RANBP17: variants seen among roughly 807,000 people sequenced by gnomAD.
The protein encoded by RANBP17 is RAN binding protein 17, also known as ran-binding protein 17.
In RANBP17, 158 loss-of-function variants were observed where a neutral mutation model predicts 141.2. That is an observed-to-expected ratio of 1.12 (90% CI 0.98 to 1.28). The LOEUF is 1.28. RANBP17 is among the 50% of genes most tolerant of loss of function. The pLI is 0.00. For synonymous variants in RANBP17, 430 were observed against 450.0 expected, an observed-to-expected ratio of 0.96 and a Z score of 0.56; for missense variants, 1,438 against 1,290.7, an observed-to-expected ratio of 1.11 and a Z score of -1.75.
At chr5:171,227,714 A>G (rs538092335) in intron 22 of RANBP17, among the ~76,000 whole-genome samples, 1 of 152,316 alleles carries the variant, frequency 6.6e-6, no homozygotes, top group East Asian at 1.9e-4. Context: ...CTTGGCTTCA[A>G]AGGACAGACT....
intron 13 of RANBP17, among the ~76,000 whole-genome samples, chr5:170,956,077 A>C (rs1775668598): frequency 6.6e-6 from 1 of 151,330 alleles, no homozygotes; most frequent in African/African-American, 2.4e-5. Context: ...ATTTATTTTT[A>C]ATATATCTTG....
intron 4 of RANBP17, among the ~76,000 whole-genome samples, chr5:170,895,027 G>A (rs1158321207): frequency 6.6e-6 from 1 of 152,138 alleles, no homozygotes; most frequent in Non-Finnish European, 1.5e-5. Flanking sequence ...AATTGGTCAG[G>A]GTACCACACT....
intron 14 of RANBP17, among the ~76,000 whole-genome samples, chr5:170,970,857 A>G (rs969491310): frequency 6.6e-6 from 1 of 152,120 alleles, no homozygotes; most frequent in Non-Finnish European, 1.5e-5. Context: ...AATATTTATT[A>G]CACTGCTTTG....
At chr5:171,036,429 A>G (rs1339159148) in intron 14 of RANBP17, among the ~76,000 whole-genome samples, 3 of 151,756 alleles carry the variant, frequency 2.0e-5, no homozygotes, top group Non-Finnish European at 4.4e-5. Flanking sequence ...TTGTTCTTAC[A>G]ATTTTCTATC....
chr5:171,088,834 C>G (rs1785930361), intron 14 of RANBP17, among the ~76,000 whole-genome samples: 1 of 152,130 alleles, frequency 6.6e-6, no homozygotes, highest in Non-Finnish European at 1.5e-5. Context: ...AAGTACTTCT[C>G]TTTATTGGTT....
chr5:171,020,787 T>C (rs1004462218), intron 14 of RANBP17, among the ~76,000 whole-genome samples: 2 of 152,172 alleles, frequency 1.3e-5, no homozygotes, highest in African/African-American at 4.8e-5. Context: ...AGGTTAATAT[T>C]GTTATGTGTG....
At chr5:170,912,934 G>A (rs576048207) in intron 7 of RANBP17, among the ~76,000 whole-genome samples, 3 of 151,840 alleles carry the variant, frequency 2.0e-5, no homozygotes, top group East Asian at 3.9e-4. Flanking sequence ...GAATAGTAAG[G>A]ATAAAGAAAA....
At chr5:171,061,882 C>T (rs1208964368) in intron 14 of RANBP17, among the ~76,000 whole-genome samples, 1 of 152,108 alleles carries the variant, frequency 6.6e-6, no homozygotes, top group African/African-American at 2.4e-5. Flanking sequence ...GATAGCTCTT[C>T]TTTTTGAATT....
rs541948780 is a variant in RANBP17 at position 171,012,016 on chromosome 5, T to TGTTTAAACAAATAATATATTC, written c.1710+43659_1710+43660insCGTTTAAACAAATAATATATT. 4.1e-3 allele frequency among the ~76,000 whole-genome samples: 615 copies of TGTTTAAACAAATAATATATTC among 151,794 alleles called. 5 individuals are homozygous for TGTTTAAACAAATAATATATTC. The highest frequency in any genetic ancestry group is 0.014 in the African/African-American group (593 of 41,520). On this transcript the variant is annotated intron_variant, in intron 14 of 27. Transcript: ENST00000523189. ...CTGGTTATTGCCTCAGTAATATATTTGTTTAAACAAATAATATATTTGTTT... is the reference window on the plus strand; with the variant it reads ...CTGGTTATTGCCTCAGTAATATATTTGTTTAAACAAATAATATATTCGTTTAAACAAATAATATATTTGTTT...
At chr5:171,140,641 G>T (rs747054878) in intron 14 of RANBP17, among the ~76,000 whole-genome samples, 4 of 152,186 alleles carry the variant, frequency 2.6e-5, no homozygotes, top group South Asian at 2.1e-4. Context: ...ATGGGAGTGG[G>T]CTGAGAGATT....
intron 14 of RANBP17, among the ~76,000 whole-genome samples, chr5:170,970,201 G>A (rs1291823255): frequency 3.3e-5 from 5 of 151,614 alleles, no homozygotes; most frequent in African/African-American, 7.3e-5. Flanking sequence ...AACCAACTAC[G>A]TAAGGAAGAG....
At chr5:171,273,505 A>C (rs1767261709) in intron 25 of RANBP17, among the ~76,000 whole-genome samples, 1 of 152,164 alleles carries the variant, frequency 6.6e-6, no homozygotes, top group African/African-American at 2.4e-5. Context: ...GCCTCAGCAC[A>C]CCTCCAGCTA....
Position 171,009,789 on chromosome 5 carries a change from A to T in RANBP17, c.1710+41412A>T, listed in dbSNP as rs141001938. Among the ~76,000 whole-genome samples, 383 of 152,306 alleles carry T rather than the reference A, an allele frequency of 2.5e-3. 4 individuals are homozygous for T. The highest frequency in any genetic ancestry group is 7.7e-3 in the African/African-American group (321 of 41,560). ...ATCAAGTAACCATCTTGCTGATAAC[A>T]ATTATAACCTCTGGACAAAACATTA... On this transcript the variant is annotated intron_variant, in intron 14 of 27. Transcript: ENST00000523189.
At position 170,924,368 on chromosome 5, in the gene RANBP17, A is replaced by G. The variant is rs769031679; in HGVS notation, c.1286A>G (p.Asp429Gly). The change falls in exon 12 of 28, where the codon GAT (aspartate) becomes GGT (glycine). Residue 429 changes from aspartate (D) to glycine (G), a missense_variant. Physicochemically the swap from Asp to Gly is moderately conservative, Grantham distance 94. Transcript: ENST00000523189. ...SVAIVVRDHL[D>G]DPLDDTATVF... ...TTCTGTGTTTGCAGAGATCACTTAGATGATCCACTGGATGATACTGCCACT... is the reference window on the plus strand; with the variant it reads ...TTCTGTGTTTGCAGAGATCACTTAGGTGATCCACTGGATGATACTGCCACT... 25 of 1,586,670 alleles carry G rather than the reference A, an allele frequency of 1.6e-5. No individual in the cohort carries two copies. The South Asian group carries it at 2.0e-4, about 13-fold the overall frequency.
intron 14 of RANBP17, among the ~76,000 whole-genome samples, chr5:171,147,412 T>TA (rs1758132984): frequency 6.7e-6 from 1 of 148,666 alleles, no homozygotes. Context: ...TTTTTTTTTT[T>TA]TTTGGTTTTG....
chr5:171,040,410 G>A (rs1168675231), intron 14 of RANBP17, among the ~76,000 whole-genome samples: 1 of 152,074 alleles, frequency 6.6e-6, no homozygotes, highest in South Asian at 2.1e-4. Context: ...TTTACTGCTG[G>A]CATAAATAGG....
Position 171,221,775 on chromosome 5 carries a change from T to C in RANBP17, c.2357T>C (p.Phe786Ser). 5 of 1,609,792 alleles carry C rather than the reference T, an allele frequency of 3.1e-6. No individual in the cohort carries two copies. Among genetic ancestry groups the C allele is most frequent in the Non-Finnish European group, 4.2e-6 (5 of 1,176,796 alleles). Reference sequence around the variant, plus strand: ...TTTCTTAGATCCCAGCGTTTGAATTTTGATGTATCATCTCCTAATGGAATT... The same window carrying C: ...TTTCTTAGATCCCAGCGTTTGAATTCTGATGTATCATCTCCTAATGGAATT... ...LMQNRSQRLN[F>S]DVSSPNGILL... The change falls in exon 22 of 28, where the codon TTT becomes TCT. Residue 786 changes from phenylalanine (F) to serine (S), a missense_variant. Physicochemically the swap from Phe to Ser is radical, Grantham distance 155. Coordinates refer to ENST00000523189, the MANE Select transcript of RANBP17 (RefSeq NM_022897.5).
chr5:171,189,131 A>G (rs1761463459), intron 18 of RANBP17, among the ~76,000 whole-genome samples: 1 of 152,204 alleles, frequency 6.6e-6, no homozygotes, highest in Non-Finnish European at 1.5e-5. Context: ...AGAAACAGAA[A>G]GAGGCTATGG....
At chr5:171,064,545 G>T (rs1784172743) in intron 14 of RANBP17, among the ~76,000 whole-genome samples, 1 of 152,114 alleles carries the variant, frequency 6.6e-6, no homozygotes, top group African/African-American at 2.4e-5. Context: ...TGCCCAGGCT[G>T]TAGTACAGTG....
Sources: allele counts gnomAD v4.1 joint callset (sites outside exome capture counted in the v4.1 genomes callset), GRCh38; gene constraint gnomAD v4.1.1; transcripts MANE v1.5; gene names NCBI Gene and HGNC (gene_info 2026-07-23, HGNC 2026-07-21).